EPHB2: variants seen among roughly 807,000 people sequenced by gnomAD.
The protein encoded by EPHB2 is EPH receptor B2.
In EPHB2, 18 loss-of-function variants were observed where a neutral mutation model predicts 96.4. The observed-to-expected ratio is 0.19, with a 90% CI of 0.13 to 0.28. The LOEUF (loss-of-function observed/expected upper bound fraction) is 0.28, where lower values mean the gene tolerates loss of function less well. Among genes scored for constraint, EPHB2 ranks in the 10% least tolerant of loss-of-function variants. The pLI is 1.00. For missense variants in EPHB2, 989 were observed against 1,355.4 expected (o/e 0.73, Z 4.25); for synonymous variants, 506 against 534.1 (o/e 0.95, Z 0.72).
intron 3 of EPHB2, among the ~76,000 whole-genome samples, chr1:22,831,093 C>A (rs1023099143): frequency 3.9e-5 from 6 of 152,108 alleles, no homozygotes; most frequent in African/African-American, 9.7e-5. Context: ...GGCAGTAAAC[C>A]CAGGGGCTCC....
intron 3 of EPHB2, among the ~76,000 whole-genome samples, chr1:22,834,051 T>TA (rs10644844): frequency 0.59 from 88,730 of 150,566 alleles, 26,357 homozygotes; most frequent in Middle Eastern, 0.66. Context: ...CAAAACACTT[T>TA]AAAAAAAAAA....
intron 9 of EPHB2, 93 bp from the exon 10 acceptor site, chr1:22,905,894 G>A: frequency 6.2e-7 from 1 of 1,602,126 alleles, no homozygotes; most frequent in East Asian, 2.2e-5. Flanking sequence ...ACATGGGAGT[G>A]GATTTCCCTC....
intron 3 of EPHB2, among the ~76,000 whole-genome samples, chr1:22,802,668 C>T (rs986086765): frequency 3.3e-5 from 5 of 152,120 alleles, no homozygotes; most frequent in East Asian, 1.9e-4. Context: ...CAGCCCCACC[C>T]CCAACTCCCT....
rs1225126994 is a variant in EPHB2, at chr1:22,913,931, A to C, written c.*361A>C. On this transcript the variant is annotated 3_prime_UTR_variant, in exon 16 of 16. Coordinates refer to ENST00000374630, the MANE Select transcript of EPHB2 (RefSeq NM_017449.5). The surrounding 1 kb of genome is among the most constrained non-coding windows in gnomAD (Gnocchi z 4.1). ...CGGAGACAAAAGCAGTTTCTCTCCAACTCCCTCTGGGAAGGTGACCTGGCC... is the reference window on the plus strand; with the variant it reads ...CGGAGACAAAAGCAGTTTCTCTCCACCTCCCTCTGGGAAGGTGACCTGGCC... 2 of 1,487,946 alleles carry C rather than the reference A, an allele frequency of 1.3e-6. No individual in the cohort carries two copies. The highest frequency in any genetic ancestry group is 1.4e-5 in the African/African-American group (1 of 70,814). 92.2% of individuals were successfully genotyped at this position (1,487,946 alleles called of 1,614,324 possible).
At chr1:22,886,083 A>C (rs1639215543) in intron 6 of EPHB2, among the ~76,000 whole-genome samples, 1 of 152,208 alleles carries the variant, frequency 6.6e-6, no homozygotes, top group African/African-American at 2.4e-5. Context: ...CACTAGCCAC[A>C]GAAGGGTCAG....
rs138093963 is a variant in EPHB2 at position 22,912,498 on chromosome 1, G to A, written c.2751G>A (p.Thr917=). The A allele has an allele frequency of 2.1e-5, 34 of 1,613,990 alleles. No homozygotes were observed. The highest frequency in any genetic ancestry group is 8.8e-5 in the South Asian group (8 of 91,084). The part of the protein sequence containing the change: ...RTIPDYTSFN[T]VDEWLEAIKM... ...TCCCCGACTACACCAGCTTTAACACGGTGGACGAGTGGCTGGAGGCCATCA... is the reference window on the plus strand; with the variant it reads ...TCCCCGACTACACCAGCTTTAACACAGTGGACGAGTGGCTGGAGGCCATCA... The change falls in exon 15 of 16, where the codon ACG becomes ACA. Residue 917 remains threonine (T), a synonymous_variant. Coordinates refer to ENST00000374630, the MANE Select transcript of EPHB2 (RefSeq NM_017449.5).
At chr1:22,817,878 C>T (rs1380071996) in intron 3 of EPHB2, among the ~76,000 whole-genome samples, 4 of 152,074 alleles carry the variant, frequency 2.6e-5, no homozygotes, top group Admixed American at 2.0e-4. Flanking sequence ...AAGGGCGGGA[C>T]GGGAAGAGGA....
At chr1:22,831,851 G>A (rs544201894) in intron 3 of EPHB2, among the ~76,000 whole-genome samples, 3 of 152,204 alleles carry the variant, frequency 2.0e-5, no homozygotes, top group East Asian at 1.9e-4. Context: ...GGAAACAGAG[G>A]GCTGACCATC....
In EPHB2 at chr1:22,869,888, G is replaced by A. The variant is rs534398434; in HGVS notation, c.1303+4676G>A. 5.9e-5 allele frequency among the ~76,000 whole-genome samples: 9 copies of A among 152,086 alleles called. No individual in the cohort carries two copies. The South Asian group carries it at 1.0e-3, about 18-fold the overall frequency. ...GTTCTTGTTCGTCTCCCCCATCATC[G>A]GCACTCGCAGCACACAATGGGTCTG... On this transcript the variant is annotated intron_variant, in intron 5 of 15. Transcript: ENST00000374630.
intron 13 of EPHB2, 70 bp from the exon 14 acceptor site, chr1:22,910,312 A>T: frequency 6.3e-7 from 1 of 1,593,562 alleles, no homozygotes; most frequent in Admixed American, 1.7e-5. Flanking sequence ...TGGGGGTAAG[A>T]TGGGCCTGGC....
intron 6 of EPHB2, among the ~76,000 whole-genome samples, chr1:22,885,268 A>G (rs990850084): frequency 7.2e-5 from 11 of 152,160 alleles, no homozygotes; most frequent in Non-Finnish European, 1.3e-4. Flanking sequence ...AATGAAACTG[A>G]AAGTGTTAGT....
chr1:22,829,182 G>A (rs76745192), intron 3 of EPHB2, among the ~76,000 whole-genome samples: 2 of 152,252 alleles, frequency 1.3e-5, no homozygotes, highest in African/African-American at 2.4e-5. Flanking sequence ...TGAAGTGGGC[G>A]GATCCACTAT....
chr1:22,883,496 G>T (rs1273526329), intron 6 of EPHB2, among the ~76,000 whole-genome samples: 1 of 152,250 alleles, frequency 6.6e-6, no homozygotes, highest in African/African-American at 2.4e-5. Flanking sequence ...CCTGGGAAAG[G>T]CATCGCGGGG....
intron 3 of EPHB2, among the ~76,000 whole-genome samples, chr1:22,827,982 CAT>C (rs990528845): frequency 1.3e-5 from 2 of 152,204 alleles, no homozygotes; most frequent in African/African-American, 4.8e-5. Flanking sequence ...CACTCACAGT[CAT>C]GTGTGTGTCC....
chr1:22,840,092 A>AATGG (rs1046344960), intron 3 of EPHB2, among the ~76,000 whole-genome samples: 2 of 151,978 alleles, frequency 1.3e-5, no homozygotes, highest in Non-Finnish European at 2.9e-5. Context: ...TGGATGGATG[A>AATGG]ATGGATGGAT....
At chr1:22,745,052 C>T (rs1246133807) in intron 1 of EPHB2, among the ~76,000 whole-genome samples, 1 of 152,064 alleles carries the variant, frequency 6.6e-6, no homozygotes, top group Non-Finnish European at 1.5e-5. Context: ...CTGCTCTGTT[C>T]AAACTGGTGT....
chr1:22,887,622 G>T (rs1236725721), intron 6 of EPHB2, among the ~76,000 whole-genome samples: 1 of 152,204 alleles, frequency 6.6e-6, no homozygotes, highest in Non-Finnish European at 1.5e-5. Context: ...CGGTGGCCTT[G>T]TGCAGACCCA....
At chr1:22,748,653 T>G (rs1046688664) in intron 1 of EPHB2, among the ~76,000 whole-genome samples, 1 of 151,810 alleles carries the variant, frequency 6.6e-6, no homozygotes, top group Non-Finnish European at 1.5e-5. Context: ...GTGCTGAGAT[T>G]ACAGGCGTGA....
chr1:22,826,589 C>T (rs1358197075), intron 3 of EPHB2, among the ~76,000 whole-genome samples: 1 of 152,224 alleles, frequency 6.6e-6, no homozygotes, highest in Non-Finnish European at 1.5e-5. Context: ...CCACAAAAGA[C>T]CATTTCCGTT....
Sources: gnomAD v4.1 joint callset for allele counts (sites outside exome capture counted in the v4.1 genomes callset) on GRCh38, gnomAD v4.1.1 for gene constraint, Gnocchi (gnomAD v3.1) non-coding constraint, MANE v1.5 for transcripts, NCBI Gene and HGNC (gene_info 2026-07-23, HGNC 2026-07-21) for gene names.